Variants in PARP8 observed in about 807,000 individuals in gnomAD.
PARP8 encodes the protein poly(ADP-ribose) polymerase family member 8.
PARP8 carries 51 observed loss-of-function variants against 124.1 expected under a neutral mutation model. The ratio of observed to expected loss-of-function variants is 0.41; its 90% confidence interval spans 0.33 to 0.52. PARP8 has a LOEUF of 0.52. Among genes scored for constraint, PARP8 ranks in the 20% least tolerant of loss-of-function variants. The pLI is 0.21. For missense variants in PARP8, 860 were observed against 1,018.9 expected, an observed-to-expected ratio of 0.84 and a Z score of 2.12; for synonymous variants, 391 against 361.5, an observed-to-expected ratio of 1.08 and a Z score of -0.93.
intron 3 of PARP8, 53 bp from the exon 4 acceptor site, chr5:50,759,590 G>C: frequency 6.8e-7 from 1 of 1,474,986 alleles, no homozygotes; most frequent in Non-Finnish European, 9.0e-7. Flanking sequence ...TTTTGTAAAG[G>C]ATGTATTTTT....
chr5:50,675,539 C>T (rs1296572542), intron 2 of PARP8, among the ~76,000 whole-genome samples: 1 of 152,182 alleles, frequency 6.6e-6, no homozygotes, highest in African/African-American at 2.4e-5. Flanking sequence ...ACTCAGGTGA[C>T]CTCAGGTGAT....
chr5:50,744,629 C>A, intron 2 of PARP8: 1 of 663,464 alleles, frequency 1.5e-6, no homozygotes, highest in South Asian at 1.7e-5. Flanking sequence ...TAATATATAC[C>A]AAACACATAT....
At chr5:50,735,191 G>T (rs1222093477) in intron 2 of PARP8, among the ~76,000 whole-genome samples, 2 of 152,108 alleles carry the variant, frequency 1.3e-5, no homozygotes, top group South Asian at 2.1e-4. Flanking sequence ...AAACATATTT[G>T]CATGGCCTAC....
At chr5:50,723,391 A>G (rs1433695748) in intron 2 of PARP8, among the ~76,000 whole-genome samples, 1 of 152,062 alleles carries the variant, frequency 6.6e-6, no homozygotes, top group South Asian at 2.1e-4. Context: ...TGCCTTCTCA[A>G]GACTTTGGTG....
At chr5:50,725,154 A>G (rs955495591) in intron 2 of PARP8, among the ~76,000 whole-genome samples, 1 of 151,232 alleles carries the variant, frequency 6.6e-6, no homozygotes. Flanking sequence ...ATGTGTGTAT[A>G]TATATATATA....
intron 2 of PARP8, among the ~76,000 whole-genome samples, chr5:50,683,072 G>T (rs1751470649): frequency 1.3e-5 from 2 of 152,082 alleles, no homozygotes. Context: ...GTACAGATTA[G>T]CAGCAACACT....
At chr5:50,798,602 T>G (rs1162334204) in intron 14 of PARP8, among the ~76,000 whole-genome samples, 2 of 151,940 alleles carry the variant, frequency 1.3e-5, no homozygotes, top group African/African-American at 4.8e-5. Context: ...TTGTATTTTT[T>G]TAGTAGAGAC....
At chr5:50,787,443 T>A (rs1033989368) in intron 9 of PARP8, among the ~76,000 whole-genome samples, 3 of 152,162 alleles carry the variant, frequency 2.0e-5, no homozygotes, top group Non-Finnish European at 4.4e-5. Context: ...GCTGGGACAT[T>A]TTTTTCCTGC....
chr5:50,772,199 C>A (rs574257998), intron 7 of PARP8, among the ~76,000 whole-genome samples: 1 of 152,268 alleles, frequency 6.6e-6, no homozygotes, highest in South Asian at 2.1e-4. Context: ...TTTTTTATGG[C>A]AGAGCAGTAT....
In PARP8 at chr5:50,798,164, A is replaced by G. The variant is rs1742767506; in HGVS notation, c.1575+931A>G. ...CTTTTATTTCTTTTTATGGCAGAAT[A>G]ATATACATTTTATGCATATACCACA... On this transcript the variant is annotated intron_variant, in intron 14 of 25. Transcript: ENST00000281631. 2.6e-5 allele frequency among the ~76,000 whole-genome samples: 4 copies of G among 152,286 alleles called. No homozygotes were observed. The South Asian group carries it at 8.3e-4, about 32-fold the overall frequency.
intron 25 of PARP8, among the ~76,000 whole-genome samples, chr5:50,835,853 G>T (rs1747522836): frequency 6.6e-6 from 1 of 152,074 alleles, no homozygotes; most frequent in South Asian, 2.1e-4. Flanking sequence ...GGGTGCAGTA[G>T]ACCAGTCTAA....
chr5:50,826,460 A>G (rs1357872246), intron 18 of PARP8, among the ~76,000 whole-genome samples: 1 of 152,130 alleles, frequency 6.6e-6, no homozygotes, highest in Non-Finnish European at 1.5e-5. Context: ...ACATTCAGAA[A>G]TGTTCAAATG....
At chr5:50,792,343 A>C (rs1481927427) in intron 10 of PARP8, among the ~76,000 whole-genome samples, 1 of 152,194 alleles carries the variant, frequency 6.6e-6, no homozygotes, top group African/African-American at 2.4e-5. Context: ...GTCTTTTAGA[A>C]AACAATTTCT....
intron 2 of PARP8, among the ~76,000 whole-genome samples, chr5:50,686,325 A>G (rs1371430305): frequency 2.0e-5 from 3 of 152,212 alleles, no homozygotes; most frequent in Non-Finnish European, 2.9e-5. Context: ...CATGTCTCAC[A>G]TCGAGGTTAC....
chr5:50,701,228 G>A (rs1368316613), intron 2 of PARP8, among the ~76,000 whole-genome samples: 1 of 152,050 alleles, frequency 6.6e-6, no homozygotes, highest in East Asian at 1.9e-4. Flanking sequence ...AATGGAACGG[G>A]TTTCATATAG....
chr5:50,728,725 T>A (rs1398009200), intron 2 of PARP8, among the ~76,000 whole-genome samples: 2 of 152,114 alleles, frequency 1.3e-5, no homozygotes, highest in Non-Finnish European at 2.9e-5. Flanking sequence ...AGTATTTTAA[T>A]ATCAAGGAAG....
chr5:50,783,151 A>T (rs1365085802), intron 9 of PARP8, among the ~76,000 whole-genome samples: 2 of 151,970 alleles, frequency 1.3e-5, no homozygotes, highest in South Asian at 2.1e-4. Context: ...GGAGAAGGAA[A>T]GAGAGATAAG....
intron 25 of PARP8, among the ~76,000 whole-genome samples, chr5:50,835,897 C>T (rs879512766): frequency 1.3e-5 from 2 of 152,128 alleles, no homozygotes; most frequent in Non-Finnish European, 2.9e-5. Flanking sequence ...AACCCGTTTC[C>T]CATGCTGTTC....
intron 2 of PARP8, among the ~76,000 whole-genome samples, chr5:50,707,206 G>A (rs558745034): frequency 6.6e-6 from 1 of 152,076 alleles, no homozygotes; most frequent in East Asian, 1.9e-4. Context: ...TATAATGTAA[G>A]CACAATTCTT....
Sources: allele counts gnomAD v4.1 joint callset (sites outside exome capture counted in the v4.1 genomes callset), GRCh38; gene constraint gnomAD v4.1.1; transcripts MANE v1.5; gene names NCBI Gene and HGNC (gene_info 2026-07-23, HGNC 2026-07-21).